The following PTPRT variants were observed in gnomAD, a reference collection of about 807,000 sequenced individuals.
The protein encoded by PTPRT is protein tyrosine phosphatase receptor type T, also known as receptor-type tyrosine-protein phosphatase T.
In PTPRT, 56 loss-of-function variants were observed where a neutral mutation model predicts 176.8. That is an observed-to-expected ratio of 0.32 (90% confidence interval 0.26 to 0.40). The LOEUF (loss-of-function observed/expected upper bound fraction) is 0.40. Ranked by LOEUF, PTPRT falls within the 10% of genes least tolerant of loss-of-function variation. The probability of loss-of-function intolerance (pLI) is 1.00; values close to 1 mark genes in which losing one functional copy is unlikely to be tolerated. For missense variants in PTPRT, 1,540 were observed against 1,908.2 expected (o/e 0.81, Z 3.60); for synonymous variants, 783 against 739.0 (o/e 1.06, Z -0.96).
At chr20:43,156,043 T>C (rs2014510787) in intron 1 of PTPRT, among the ~76,000 whole-genome samples, 2 of 152,318 alleles carry the variant, frequency 1.3e-5, no homozygotes, top group South Asian at 4.1e-4. Context: ...TTACACACTA[T>C]TCACGACACC....
intron 6 of PTPRT, among the ~76,000 whole-genome samples, chr20:42,694,070 G>A (rs565915977): frequency 2.5e-4 from 35 of 137,394 alleles, no homozygotes; most frequent in Non-Finnish European, 4.5e-4. Flanking sequence ...CCAGAGTCTC[G>A]CTCTGTCGCC....
intron 3 of PTPRT, among the ~76,000 whole-genome samples, chr20:42,782,525 C>T (rs952407829): frequency 1.9e-4 from 29 of 152,212 alleles, no homozygotes; most frequent in Non-Finnish European, 7.3e-5. Flanking sequence ...GGCACTATGA[C>T]CCATTCAGTC....
intron 6 of PTPRT, among the ~76,000 whole-genome samples, chr20:42,696,376 G>A (rs930823729): frequency 1.3e-5 from 2 of 149,248 alleles, no homozygotes; most frequent in African/African-American, 4.9e-5. Flanking sequence ...TCTCTGCCAT[G>A]TCATGAGTGG....
chr20:42,673,573 C>T (rs1239747930), intron 7 of PTPRT, among the ~76,000 whole-genome samples: 1 of 151,972 alleles, frequency 6.6e-6, no homozygotes, highest in African/African-American at 2.4e-5. Flanking sequence ...ATCAAGGTGC[C>T]AGCAGATTAA....
At chr20:42,044,236 C>T in the PTPRT span, among the ~76,000 whole-genome samples, 1 of 152,232 alleles carries the variant, frequency 6.6e-6, no homozygotes, top group Non-Finnish European at 1.5e-5. Context: ...GCTCCCTTGA[C>T]AATGACTGTT....
At chr20:42,633,999 T>A (rs1383273677) in intron 7 of PTPRT, among the ~76,000 whole-genome samples, 16 of 26,854 alleles carry the variant, frequency 6.0e-4, no homozygotes, top group African/African-American at 4.2e-3. Flanking sequence ...ATTATATATA[T>A]TATATATATA....
intron 12 of PTPRT, among the ~76,000 whole-genome samples, chr20:42,312,932 C>G (rs1251841789): frequency 4.0e-5 from 6 of 149,710 alleles, no homozygotes; most frequent in African/African-American, 1.5e-4. Context: ...TTAAATAGGA[C>G]CTGGGTAAAA....
chr20:43,048,923 A>C (rs1337835851), intron 1 of PTPRT, among the ~76,000 whole-genome samples: 5 of 152,152 alleles, frequency 3.3e-5, no homozygotes, highest in Non-Finnish European at 7.4e-5. Context: ...CCTCCATCAC[A>C]GGTAACACAT....
At chr20:42,127,013 G>GT (rs1336486420) in intron 19 of PTPRT, among the ~76,000 whole-genome samples, 3 of 152,188 alleles carry the variant, frequency 2.0e-5, no homozygotes, top group African/African-American at 7.2e-5. Flanking sequence ...TGTAGTTAGG[G>GT]AAACAGAAAC....
At position 42,722,086 on chromosome 20, in the gene PTPRT, C is replaced by CTT. The variant is rs534608194; in HGVS notation, c.859+34374_859+34375dup. 2.8e-3 allele frequency among the ~76,000 whole-genome samples: 431 copies of CTT among 152,314 alleles called. 2 individuals are homozygous for CTT. The highest frequency in any genetic ancestry group is 4.8e-3 in the Non-Finnish European group (324 of 68,026). ...TGCTCAGCTGCATTGGGAAATCCTGCTTGCTGGCCTCTTTGCTTCCTCCCA... is the reference window on the plus strand; with the variant it reads ...TGCTCAGCTGCATTGGGAAATCCTGCTTTTGCTGGCCTCTTTGCTTCCTCCCA... On this transcript the variant is annotated intron_variant, in intron 6 of 30. Coordinates refer to ENST00000373187, the MANE Select transcript of PTPRT (RefSeq NM_007050.6).
intron 7 of PTPRT, among the ~76,000 whole-genome samples, chr20:42,522,800 C>T (rs1210721999): frequency 6.6e-6 from 1 of 152,002 alleles, no homozygotes; most frequent in Non-Finnish European, 1.5e-5. Context: ...GTTTTTATTT[C>T]GATTATCTTC....
At chr20:42,349,597 A>T (rs1355087545) in intron 11 of PTPRT, among the ~76,000 whole-genome samples, 1 of 151,706 alleles carries the variant, frequency 6.6e-6, no homozygotes, top group Non-Finnish European at 1.5e-5. Context: ...GTGGATTCTT[A>T]AAAAAAAATG....
intron 4 of PTPRT, among the ~76,000 whole-genome samples, chr20:42,773,780 G>T (rs2077096119): frequency 6.6e-6 from 1 of 152,196 alleles, no homozygotes; most frequent in South Asian, 2.1e-4. Context: ...GGCTTAAAGG[G>T]GGAGTGAACA....
intron 18 of PTPRT, among the ~76,000 whole-genome samples, chr20:42,140,086 CT>C (rs1202929215): frequency 6.6e-6 from 1 of 152,232 alleles, no homozygotes; most frequent in Non-Finnish European, 1.5e-5. Context: ...AAACTTCTGC[CT>C]TTTTCTTCCT....
intron 7 of PTPRT, among the ~76,000 whole-genome samples, chr20:42,671,290 A>G (rs2075408686): frequency 6.6e-6 from 1 of 152,194 alleles, no homozygotes. Flanking sequence ...AACACTGGAT[A>G]GAGGATAATA....
At chr20:42,347,919 T>C (rs1423785883) in intron 11 of PTPRT, among the ~76,000 whole-genome samples, 1 of 152,234 alleles carries the variant, frequency 6.6e-6, no homozygotes, top group African/African-American at 2.4e-5. Flanking sequence ...GTTTGTGTGT[T>C]TGCTTAATGT....
chr20:42,107,852 G>C (rs562931005), intron 23 of PTPRT, among the ~76,000 whole-genome samples: 1 of 152,278 alleles, frequency 6.6e-6, no homozygotes, highest in East Asian at 1.9e-4. Context: ...TAAATCCAAG[G>C]GGCACAGGCC....
At chr20:42,688,426 C>T (rs1304577906) in intron 6 of PTPRT, 1 of 152,192 alleles carries the variant, frequency 6.6e-6, no homozygotes, top group Non-Finnish European at 1.5e-5. Context: ...CCCTCCTATT[C>T]CATTTTGTTA....
intron 15 of PTPRT, among the ~76,000 whole-genome samples, chr20:42,231,842 C>A (rs1205676047): frequency 6.6e-6 from 1 of 152,156 alleles, no homozygotes; most frequent in Non-Finnish European, 1.5e-5. Context: ...TACTGTCTGG[C>A]TCCTTATGGA....
Sources: gnomAD v4.1 joint callset for allele counts (sites outside exome capture counted in the v4.1 genomes callset) on GRCh38, gnomAD v4.1.1 for gene constraint, MANE v1.5 for transcripts, NCBI Gene and HGNC (gene_info 2026-07-23, HGNC 2026-07-21) for gene names.